PCNX1: variants seen among roughly 807,000 people sequenced by gnomAD.
The protein encoded by PCNX1 is pecanex 1, also known as pecanex-like protein 1.
A neutral mutation model predicts 242.2 loss-of-function variants in PCNX1; 78 were observed. The observed-to-expected ratio is 0.32, with a 90% CI of 0.27 to 0.39. PCNX1 has a LOEUF of 0.39. Ranked by LOEUF, PCNX1 falls within the 10% of genes least tolerant of loss-of-function variation. The pLI, the probability that PCNX1 is intolerant of heterozygous loss-of-function variation, is 1.00. For synonymous variants in PCNX1, 1,024 were observed against 1,032.9 expected (o/e 0.99, Z 0.17); for missense variants, 2,581 against 2,856.5 (o/e 0.90, Z 2.20).
At chr14:70,921,175 C>T (rs1335890543) in intron 1 of PCNX1, among the ~76,000 whole-genome samples, 1 of 151,972 alleles carries the variant, frequency 6.6e-6, no homozygotes, top group East Asian at 1.9e-4. Flanking sequence ...ATTCAGAAAA[C>T]CTAAATAAAC....
intron 1 of PCNX1, among the ~76,000 whole-genome samples, chr14:70,917,366 T>C (rs1566563943): frequency 1.3e-5 from 2 of 152,320 alleles, no homozygotes; most frequent in Non-Finnish European, 1.5e-5. Context: ...TTATGAAATG[T>C]ATTTCTTAAA....
chr14:71,046,950 TAC>T lies in PCNX1; in HGVS notation c.4019-13_4019-12del, dbSNP rs771674195. On this transcript the variant is annotated splice_polypyrimidine_tract_variant and intron_variant, in intron 20 of 35. Coordinates refer to ENST00000304743, the MANE Select transcript of PCNX1 (RefSeq NM_014982.3). Reference sequence around the variant, plus strand: ...TTTGATGACATGTAGTCTTGATTTATACTGCCTTGTTAGATGCAGCCACTATG... The same window carrying T: ...TTTGATGACATGTAGTCTTGATTTATTGCCTTGTTAGATGCAGCCACTATG... 1 of 1,598,274 alleles carries T rather than the reference TAC, an allele frequency of 6.3e-7. No individual in the cohort carries two copies. The highest frequency in any genetic ancestry group is 8.5e-7 in the Non-Finnish European group (1 of 1,172,812).
chr14:70,953,672 T>C (rs1273076087), intron 2 of PCNX1, among the ~76,000 whole-genome samples: 1 of 149,000 alleles, frequency 6.7e-6, no homozygotes, highest in Non-Finnish European at 1.5e-5. Context: ...TTCTTTTTTT[T>C]TTTTTTTTTT....
At chr14:70,973,458 T>G (rs1306485467) in intron 5 of PCNX1, among the ~76,000 whole-genome samples, 1 of 152,008 alleles carries the variant, frequency 6.6e-6, no homozygotes, top group Non-Finnish European at 1.5e-5. Flanking sequence ...GACTGAGACT[T>G]GACCATTGGA....
chr14:70,909,932 A>G (rs1257492636), intron 1 of PCNX1, among the ~76,000 whole-genome samples: 2 of 151,984 alleles, frequency 1.3e-5, no homozygotes, highest in East Asian at 1.9e-4. Flanking sequence ...AGTTCAGTAC[A>G]TGCGGTTAGC....
intron 25 of PCNX1, 50 bp from the exon 26 acceptor site, chr14:71,057,459 C>A: frequency 8.6e-7 from 1 of 1,157,288 alleles, no homozygotes; most frequent in Non-Finnish European, 1.3e-6. Context: ...TCTTGTTTGT[C>A]AAGAGGACTT....
chr14:70,978,158 C>G lies in PCNX1; in HGVS notation c.1821C>G (p.Asp607Glu), dbSNP rs759913276. The G allele has an allele frequency of 1.9e-6, 3 of 1,614,152 alleles. No homozygotes were observed. The highest frequency in any genetic ancestry group is 2.5e-6 in the Non-Finnish European group (3 of 1,180,032). ...ACGAAGACTCTAGTGATCAGAGTGA[C>G]TTGAGTAGAGCATCAAGTGTTCAGT... is the stretch of plus-strand genomic sequence containing the variant. The part of the protein sequence containing the change: ...CHDEDSSDQS[D>E]LSRASSVQSA... Residue 607 changes from aspartate to glutamate, a missense_variant, in exon 6 of 36, where the codon GAC becomes GAG. Coordinates refer to ENST00000304743, the MANE Select transcript of PCNX1 (RefSeq NM_014982.3).
At chr14:70,913,231 A>AT (rs1014758382) in intron 1 of PCNX1, among the ~76,000 whole-genome samples, 6 of 152,270 alleles carry the variant, frequency 3.9e-5, no homozygotes, top group African/African-American at 1.4e-4. Flanking sequence ...TGTTGAATGA[A>AT]TTTTTTATTA....
intron 26 of PCNX1, 101 bp from the exon 27 acceptor site, chr14:71,073,444 C>G (rs936342611): frequency 8.9e-7 from 1 of 1,122,982 alleles, no homozygotes; most frequent in African/African-American, 1.6e-5. Context: ...CTTTCAATTG[C>G]AATAAAATAT....
At chr14:70,967,357 G>A (rs2058411168) in intron 3 of PCNX1, among the ~76,000 whole-genome samples, 1 of 152,158 alleles carries the variant, frequency 6.6e-6, no homozygotes, top group Non-Finnish European at 1.5e-5. Flanking sequence ...TGCTAACTTT[G>A]CTTGACTGTT....
chr14:71,105,596 G>A, intron 33 of PCNX1, among the ~76,000 whole-genome samples, 156 bp downstream of exon 33: 1 of 151,182 alleles, frequency 6.6e-6, no homozygotes, highest in Non-Finnish European at 1.5e-5. Flanking sequence ...TGGCTGGAGT[G>A]CAGTGTCACA....
intron 5 of PCNX1, among the ~76,000 whole-genome samples, chr14:70,971,080 T>C (rs919466932): frequency 6.6e-6 from 1 of 151,800 alleles, no homozygotes; most frequent in Non-Finnish European, 1.5e-5. Context: ...TTTTGAATTA[T>C]GCTTTTTAAA....
chr14:71,050,862 T>C (rs573197732), intron 23 of PCNX1, 102 bp downstream of exon 23: 902 of 1,096,166 alleles, frequency 8.2e-4, no homozygotes, highest in Non-Finnish European at 1.1e-3. Flanking sequence ...TACTGTGTAA[T>C]GAATTATCAA....
chr14:71,067,086 G>A (rs1208591426), intron 26 of PCNX1, among the ~76,000 whole-genome samples: 2 of 149,206 alleles, frequency 1.3e-5, no homozygotes, highest in African/African-American at 2.5e-5. Context: ...TTTTTTTAAT[G>A]TCTCTGCCAG....
intron 1 of PCNX1, among the ~76,000 whole-genome samples, chr14:70,919,970 A>G (rs986377596): frequency 6.6e-6 from 1 of 152,052 alleles, no homozygotes; most frequent in Non-Finnish European, 1.5e-5. Context: ...CTGAGCGCCA[A>G]CTGCCCTGAG....
intron 12 of PCNX1, among the ~76,000 whole-genome samples, chr14:71,019,992 C>T (rs2060057896): frequency 6.6e-6 from 1 of 150,382 alleles, no homozygotes; most frequent in Non-Finnish European, 1.5e-5. Flanking sequence ...TCCATGTGTT[C>T]TCATTGTTCA....
At chr14:71,083,384 T>C (rs953824181) in intron 28 of PCNX1, among the ~76,000 whole-genome samples, 2 of 151,340 alleles carry the variant, frequency 1.3e-5, no homozygotes, top group African/African-American at 2.4e-5. Context: ...ATTTCCTGAA[T>C]CTGAATGTTG....
At chr14:70,997,293 T>G (rs1237760324) in intron 8 of PCNX1, among the ~76,000 whole-genome samples, 2 of 152,172 alleles carry the variant, frequency 1.3e-5, no homozygotes, top group Non-Finnish European at 2.9e-5. Context: ...ACAGTTACCA[T>G]CTCATTGTTC....
intron 2 of PCNX1, among the ~76,000 whole-genome samples, chr14:70,954,557 A>T (rs968658996): frequency 6.6e-6 from 1 of 152,148 alleles, no homozygotes; most frequent in African/African-American, 2.4e-5. Flanking sequence ...TTTCAGTAAT[A>T]GTTTTTCATT....
Sources: allele counts gnomAD v4.1 joint callset (sites outside exome capture counted in the v4.1 genomes callset), GRCh38; gene constraint gnomAD v4.1.1; transcripts MANE v1.5; gene names NCBI Gene and HGNC (gene_info 2026-07-23, HGNC 2026-07-21).